Variants in TBC1D32 observed in about 807,000 individuals in gnomAD.
TBC1D32 encodes the protein TBC1 domain family member 32, also known as protein broad-minded.
Under a neutral mutation model 170.3 loss-of-function variants are expected in TBC1D32, and 151 were observed. The ratio of observed to expected loss-of-function variants is 0.89; its 90% CI spans 0.78 to 1.01. The LOEUF (loss-of-function observed/expected upper bound fraction) is 1.01. TBC1D32 is among the 50% of genes least tolerant of loss of function. TBC1D32 has a pLI of 0.00. For synonymous variants in TBC1D32, 498 were observed against 488.0 expected, an observed-to-expected ratio of 1.02 and a Z score of -0.27; for missense variants, 1,464 against 1,457.1, an observed-to-expected ratio of 1.00 and a Z score of -0.08.
intron 21 of TBC1D32, among the ~76,000 whole-genome samples, chr6:121,212,915 T>C (rs867298008): frequency 6.6e-6 from 1 of 152,236 alleles, no homozygotes. Context: ...TCAATAAACA[T>C]AATCCATCAC....
At chr6:121,223,538 T>C (rs1214446488) in intron 20 of TBC1D32, among the ~76,000 whole-genome samples, 186 bp from the exon 21 acceptor site, 1 of 152,164 alleles carries the variant, frequency 6.6e-6, no homozygotes, top group African/African-American at 2.4e-5. Flanking sequence ...CAATAATCTA[T>C]AAGCTGACAA....
At chr6:121,287,173 G>A (rs1366924221) in intron 12 of TBC1D32, among the ~76,000 whole-genome samples, 1 of 152,076 alleles carries the variant, frequency 6.6e-6, no homozygotes, top group Admixed American at 6.6e-5. Flanking sequence ...AAATGTAAAT[G>A]GGCTAAATGC....
intron 15 of TBC1D32, among the ~76,000 whole-genome samples, chr6:121,273,249 A>G (rs566465754): frequency 1.3e-5 from 2 of 151,722 alleles, no homozygotes; most frequent in South Asian, 2.1e-4. Context: ...CCTAGAACTT[A>G]AAGTATAATT....
At chr6:121,181,467 G>C (rs1318012618) in intron 22 of TBC1D32, among the ~76,000 whole-genome samples, 2 of 152,052 alleles carry the variant, frequency 1.3e-5, no homozygotes, top group African/African-American at 4.8e-5. Context: ...CATGATTGTA[G>C]ATTTCCTGAG....
chr6:121,240,886 A>G (rs1167665028), intron 19 of TBC1D32, among the ~76,000 whole-genome samples: 1 of 151,640 alleles, frequency 6.6e-6, no homozygotes, highest in Non-Finnish European at 1.5e-5. Flanking sequence ...ACAAAAAAAA[A>G]AAAAAAAAAA....
At chr6:121,206,212 A>C (rs561468762) in intron 21 of TBC1D32, among the ~76,000 whole-genome samples, 5 of 147,210 alleles carry the variant, frequency 3.4e-5, no homozygotes, top group Non-Finnish European at 6.0e-5. Context: ...TCTGTCTCAG[A>C]AAAGAAAAAA....
At chr6:121,306,806 T>C (rs1235071943) in intron 5 of TBC1D32, among the ~76,000 whole-genome samples, 3 of 152,190 alleles carry the variant, frequency 2.0e-5, no homozygotes, top group African/African-American at 7.2e-5. Context: ...ATCTACTGAC[T>C]TCATAATTTT....
Position 121,255,317 on chromosome 6 carries a change from A to T in TBC1D32, c.2018+11T>A. The T allele has an allele frequency of 6.7e-7, 1 of 1,499,884 alleles. No individual in the cohort carries two copies. The highest frequency in any genetic ancestry group is 9.1e-7 in the Non-Finnish European group (1 of 1,099,194). The allele number at this position is 1,499,884 out of a possible 1,614,324, so 92.9% of individuals were successfully genotyped here. A position where few individuals can be genotyped will look rare whatever the true frequency, so the allele number is the denominator to read the frequency against. ...TATAATAAATGCATGACTTTCATCA[A>T]TTGTACTTACATGTTTTGGGATTCC... On this transcript the variant is annotated intron_variant, in intron 17 of 31. Transcript: ENST00000398212.
chr6:121,145,075 G>A (rs1783254625), intron 24 of TBC1D32, among the ~76,000 whole-genome samples: 1 of 152,140 alleles, frequency 6.6e-6, no homozygotes, highest in African/African-American at 2.4e-5. Context: ...AAGAGAGAAT[G>A]GAAAGAGAGT....
rs893059082 is a variant in TBC1D32, at chr6:121,223,119, C to T, written c.2481+117G>A. 1.6e-5 allele frequency: 10 copies of T among 625,092 alleles called. No homozygotes were observed. The African/African-American group carries it at 1.9e-4, about 12-fold the overall frequency. The allele number at this position is 625,092 out of a possible 1,614,324, so 38.7% of individuals were successfully genotyped here. A position where few individuals can be genotyped will look rare whatever the true frequency, so the allele number is the denominator to read the frequency against. ...ATTCATGCATGATTAATCAAATCAG[C>T]CCTTAAATGCCATTACATAATGTTT... On this transcript the variant is annotated intron_variant, in intron 21 of 31. Coordinates refer to ENST00000398212, the MANE Select transcript of TBC1D32 (RefSeq NM_152730.6).
At chr6:121,201,992 T>C (rs1022950016) in intron 22 of TBC1D32, among the ~76,000 whole-genome samples, 2 of 151,006 alleles carry the variant, frequency 1.3e-5, no homozygotes, top group Non-Finnish European at 2.9e-5. Context: ...TTTGTTTTTG[T>C]AGAAGGAGGT....
intron 17 of TBC1D32, among the ~76,000 whole-genome samples, chr6:121,248,550 G>A (rs1460717909): frequency 6.6e-6 from 1 of 151,548 alleles, no homozygotes. Context: ...AGATAAAACT[G>A]ATAACCATTA....
chr6:121,228,411 AT>A (rs1795323092), intron 20 of TBC1D32, among the ~76,000 whole-genome samples: 1 of 152,098 alleles, frequency 6.6e-6, no homozygotes, highest in Non-Finnish European at 1.5e-5. Flanking sequence ...AAAGTTAAAA[AT>A]ATCTCTCTTA....
chr6:121,082,887 G>T (rs1562415734), intron 31 of TBC1D32, among the ~76,000 whole-genome samples: 1 of 151,840 alleles, frequency 6.6e-6, no homozygotes, highest in African/African-American at 2.4e-5. Flanking sequence ...TTTCATAAGA[G>T]AAAAATTTTA....
In TBC1D32 at chr6:121,131,717, T is replaced by G. The variant is rs918585761; in HGVS notation, c.2809A>C (p.Ile937Leu). The G allele has an allele frequency of 6.2e-7, 1 of 1,607,116 alleles. No homozygotes were observed. Among genetic ancestry groups the G allele is most frequent in the African/African-American group, 1.3e-5 (1 of 74,886 alleles). ...DLDKLLLCLK[I>L]SDKQTEWIEN... ...ATCCATTCAGTTTGTTTATCAGATA[T>G]TTTGAGGCATAATAAAAGCTTGTCA... is the stretch of plus-strand genomic sequence containing the variant. The change falls in exon 25 of 32, where the codon ATA becomes CTA. Residue 937 changes from isoleucine (I) to leucine (L), a missense_variant. Physicochemically the swap from Ile to Leu is conservative, Grantham distance 5. Around this residue, in one of 3 missense-constraint regions of TBC1D32, gnomAD observed 1,363 missense variants for 1,338.1 expected, o/e 1.02. Transcript: ENST00000398212.
chr6:121,304,033 A>C (rs1806932774), intron 8 of TBC1D32, among the ~76,000 whole-genome samples: 2 of 151,992 alleles, frequency 1.3e-5, no homozygotes, highest in African/African-American at 2.4e-5. Context: ...AGTTTAAAGA[A>C]TATTTAAGGA....
chr6:121,318,524 C>T (rs1809244051), intron 2 of TBC1D32, among the ~76,000 whole-genome samples: 1 of 151,704 alleles, frequency 6.6e-6, no homozygotes, highest in South Asian at 2.1e-4. Context: ...ACAAAAAAGG[C>T]ATAAAGATGT....
chr6:121,271,694 T>C (rs1242456336), intron 15 of TBC1D32, among the ~76,000 whole-genome samples: 1 of 152,096 alleles, frequency 6.6e-6, no homozygotes. Context: ...CTGCCCAAGG[T>C]AATTTATATA....
rs574793030 is a variant in TBC1D32 at position 121,301,041 on chromosome 6, C to T, written c.1081-1536G>A. On this transcript the variant is annotated intron_variant, in intron 9 of 31. Coordinates refer to ENST00000398212, the MANE Select transcript of TBC1D32 (RefSeq NM_152730.6). Reference sequence around the variant, plus strand: ...TGATCATTAAAAGGTCAGGAAACAACGGATGCTGGAGAGGATGTGGAGAAA... The same window carrying T: ...TGATCATTAAAAGGTCAGGAAACAATGGATGCTGGAGAGGATGTGGAGAAA... Among the ~76,000 whole-genome samples, 319 of 151,326 alleles carry T rather than the reference C, an allele frequency of 2.1e-3. 1 individual carries two copies. The highest frequency in any genetic ancestry group is 7.5e-3 in the African/African-American group (306 of 40,756).
Sources: gnomAD v4.1 joint callset for allele counts (sites outside exome capture counted in the v4.1 genomes callset) on GRCh38, gnomAD v4.1.1 for gene constraint, gnomAD v4.1.1 regional missense constraint, MANE v1.5 for transcripts, NCBI Gene and HGNC (gene_info 2026-07-23, HGNC 2026-07-21) for gene names.